The following HERC2 variants were observed in gnomAD, a reference collection of about 807,000 sequenced individuals.
The protein encoded by HERC2 is HECT and RLD domain containing E3 ubiquitin protein ligase 2.
HERC2 carries 102 observed loss-of-function variants against 537.7 expected under a neutral mutation model. The observed-to-expected ratio is 0.19, with a 90% CI of 0.16 to 0.22. The LOEUF is 0.22. HERC2 is among the 10% of genes least tolerant of loss of function. The pLI, the probability that HERC2 is intolerant of heterozygous loss-of-function variation, is 1.00. For synonymous variants in HERC2, 2,224 were observed against 2,466.2 expected, an observed-to-expected ratio of 0.90 and a Z score of 2.91; for missense variants, 4,236 against 6,198.2, an observed-to-expected ratio of 0.68 and a Z score of 10.63.
intron 83 of HERC2, among the ~76,000 whole-genome samples, chr15:28,126,192 G>A (rs548760005): frequency 7.2e-5 from 11 of 152,320 alleles, no homozygotes; most frequent in Admixed American, 6.5e-4. Context: ...TATACTGCTG[G>A]TGGGAACAGA....
chr15:28,238,803 T>A (rs1902736049), intron 23 of HERC2, 31 bp from the exon 24 acceptor site: 1 of 1,495,210 alleles, frequency 6.7e-7, no homozygotes. Context: ...ATCAGTCCAT[T>A]GATCAATCAA....
chr15:28,287,605 T>C (rs978111682), intron 4 of HERC2, among the ~76,000 whole-genome samples: 15 of 152,172 alleles, frequency 9.9e-5, no homozygotes, highest in Non-Finnish European at 2.2e-4. Context: ...TGCCAGGCAC[T>C]GACTTAGGAG....
In HERC2 at chr15:28,192,128, G is replaced by A. The variant is rs543946257; in HGVS notation, c.8284C>T (p.Arg2762Cys). 26 of 1,613,462 alleles carry A rather than the reference G, an allele frequency of 1.6e-5. No homozygotes were observed. The highest frequency in any genetic ancestry group is 1.6e-4 in the East Asian group (7 of 44,892). Residue 2762 changes from arginine (R) to cysteine (C), a missense_variant, in exon 53 of 93, where the codon CGT becomes TGT. Physicochemically the swap from Arg to Cys is radical, Grantham distance 180. Coordinates refer to ENST00000261609, the MANE Select transcript of HERC2 (RefSeq NM_004667.6). Reference protein sequence around the residue: ...EPGQSAVFCGRSGKQLKRCHS... With the variant: ...EPGQSAVFCGCSGKQLKRCHS... The stretch of plus-strand genomic sequence containing the variant: ...CAACGCTTCAGCTGTTTTCCAGAAC[G>A]GCCACAAAATACCGCAGACTGACCT...
chr15:28,270,846 G>C lies in HERC2; in HGVS notation c.1106C>G (p.Pro369Arg). ...DMHLLSGPLS[P>R]NESFLRYLTL... The stretch of plus-strand genomic sequence containing the variant: ...GAGGTACCTCAGGAAACTCTCATTG[G>C]GGCTCAGAGGGCCAGACAAAAGCTA... Residue 369 changes from proline (P) to arginine (R), a missense_variant, in exon 10 of 93, where the codon CCC becomes CGC. Physicochemically the swap from Pro to Arg is moderately radical, Grantham distance 103. Coordinates refer to ENST00000261609, the MANE Select transcript of HERC2 (RefSeq NM_004667.6). The C allele has an allele frequency of 6.2e-7, 1 of 1,613,750 alleles. No homozygotes were observed. Among genetic ancestry groups the C allele is most frequent in the Non-Finnish European group, 8.5e-7 (1 of 1,179,824 alleles).
intron 21 of HERC2, among the ~76,000 whole-genome samples, 169 bp downstream of exon 21, chr15:28,248,383 T>A (rs937450019): frequency 7.9e-5 from 12 of 152,310 alleles, no homozygotes; most frequent in Middle Eastern, 3.4e-3. Flanking sequence ...AACGAGGCTA[T>A]TATAGAAAGG....
Position 28,178,942 on chromosome 15 carries a change from T to C in HERC2, c.9108A>G (p.Pro3036=). The change falls in exon 59 of 93, where the codon CCA becomes CCG. Residue 3036 remains proline (P), a synonymous_variant. Coordinates refer to ENST00000261609, the MANE Select transcript of HERC2 (RefSeq NM_004667.6). ...AGCTGCTGAGAGCTGTGATCTGCCGTGGGATGGGCACCGTCCCGCTGGAAA... is the reference window on the plus strand; with the variant it reads ...AGCTGCTGAGAGCTGTGATCTGCCGCGGGATGGGCACCGTCCCGCTGGAAA... The part of the protein sequence containing the change: ...LGISSGTVPI[P]RQITALSSYV... 1 of 1,614,170 alleles carries C rather than the reference T, an allele frequency of 6.2e-7. No homozygotes were observed. The highest frequency in any genetic ancestry group is 8.5e-7 in the Non-Finnish European group (1 of 1,180,034).
intron 23 of HERC2, among the ~76,000 whole-genome samples, chr15:28,240,380 T>C (rs1902972608): frequency 6.6e-6 from 1 of 152,082 alleles, no homozygotes; most frequent in African/African-American, 2.4e-5. Context: ...ATCACGTCAC[T>C]ACACTCCCGC....
intron 72 of HERC2, among the ~76,000 whole-genome samples, 155 bp from the exon 73 acceptor site, chr15:28,144,390 G>A (rs1336543773): frequency 6.6e-6 from 1 of 152,140 alleles, no homozygotes; most frequent in Non-Finnish European, 1.5e-5. Flanking sequence ...GGTGAGACTC[G>A]CTCTTCACAC....
At chr15:28,295,900 T>C (rs60656642) in intron 3 of HERC2, among the ~76,000 whole-genome samples, 2,087 of 152,168 alleles carry the variant, frequency 0.014, 47 homozygotes, top group African/African-American at 0.048. Context: ...ACAGAGACCA[T>C]AGGGTCCACT....
At chr15:28,205,882 G>C (rs1170299810) in intron 45 of HERC2, among the ~76,000 whole-genome samples, 1 of 145,800 alleles carries the variant, frequency 6.9e-6, no homozygotes, top group East Asian at 2.1e-4. Flanking sequence ...AGAGGCTCCT[G>C]AGTGAATGAA....
chr15:28,176,448 C>A lies in HERC2; in HGVS notation c.9666G>T (p.Lys3222Asn). The A allele has an allele frequency of 1.2e-6, 2 of 1,614,080 alleles. No homozygotes were observed. The highest frequency in any genetic ancestry group is 1.7e-6 in the Non-Finnish European group (2 of 1,179,962). Residue 3222 changes from lysine (K) to asparagine (N), a missense_variant, in exon 63 of 93, where the codon AAG (lysine) becomes AAT (asparagine). Transcript: ENST00000261609. This position sits in a 1 kb window ranked among gnomAD's most constrained non-coding sequence, Gnocchi z 5.0. ...CGTACCATGTCCACACCACTCCAGA[C>A]TTGGTGAGCGCCAGGGAGAACTGAG... ...CGAQFSLALT[K>N]SGVVWTWGKG... is the part of the protein sequence containing the mutation.
chr15:28,198,809 A>C (rs1200445574), intron 48 of HERC2, 40 bp from the exon 49 acceptor site: 1 of 1,542,412 alleles, frequency 6.5e-7, no homozygotes, highest in Admixed American at 1.8e-5. Flanking sequence ...TCCATCATGT[A>C]CACAGGTGAA....
intron 2 of HERC2, among the ~76,000 whole-genome samples, chr15:28,313,647 T>C (rs1342932372): frequency 2.0e-5 from 3 of 152,224 alleles, no homozygotes; most frequent in Non-Finnish European, 2.9e-5. Flanking sequence ...TAAAGGTATA[T>C]GGCTTTTTTT....
At chr15:28,307,082 G>C (rs533869867) in intron 2 of HERC2, among the ~76,000 whole-genome samples, 23 of 152,274 alleles carry the variant, frequency 1.5e-4, no homozygotes, top group African/African-American at 5.3e-4. Flanking sequence ...TGACCCACCC[G>C]CCTCAGCCTC....
At position 28,219,911 on chromosome 15, in the gene HERC2, T is replaced by G. The variant is rs369992485; in HGVS notation, c.5845+541A>C. ...TCTCCACAGATAGGATCTAGCTTTC[T>G]TGGTCCACCCCTAAATTCTCACCTC... On this transcript the variant is annotated intron_variant, in intron 37 of 92. Coordinates refer to ENST00000261609, the MANE Select transcript of HERC2 (RefSeq NM_004667.6). Among the ~76,000 whole-genome samples the G allele has an allele frequency of 1.2e-4, 19 of 152,328 alleles. 1 individual carries two copies. The highest frequency in any genetic ancestry group is 8.5e-4 in the Admixed American group (13 of 15,302).
chr15:28,266,010 T>C (rs770182022), intron 12 of HERC2, 36 bp from the exon 13 acceptor site: 3 of 1,605,588 alleles, frequency 1.9e-6, no homozygotes, highest in African/African-American at 1.3e-5. Flanking sequence ...AATGCCCTTC[T>C]TCTTGGTGTT....
chr15:28,272,757 G>A, intron 8 of HERC2, 137 bp downstream of exon 8: 1 of 611,076 alleles, frequency 1.6e-6, no homozygotes, highest in Non-Finnish European at 2.8e-6. Flanking sequence ...AAGAGAGAGA[G>A]CCCTGGGACA....
At chr15:28,117,956 T>C in intron 86 of HERC2, 1 of 247,082 alleles carries the variant, frequency 4.0e-6, no homozygotes, top group South Asian at 5.2e-5. Context: ...GAAGAAAAAA[T>C]GGTCCTGAGA....
chr15:28,317,565 C>T (rs542617418), intron 2 of HERC2, among the ~76,000 whole-genome samples: 4 of 152,236 alleles, frequency 2.6e-5, no homozygotes, highest in South Asian at 2.1e-4. Flanking sequence ...AAATCATTTC[C>T]GAAGGTCACA....
Sources: allele counts gnomAD v4.1 joint callset (sites outside exome capture counted in the v4.1 genomes callset), GRCh38; gene constraint gnomAD v4.1.1; non-coding constraint Gnocchi (gnomAD v3.1); transcripts MANE v1.5; gene names NCBI Gene and HGNC (gene_info 2026-07-23, HGNC 2026-07-21).